Variants in HSPG2 observed in about 807,000 individuals in gnomAD.
HSPG2 encodes heparan sulfate proteoglycan 2, also known as basement membrane-specific heparan sulfate proteoglycan core protein.
Under a neutral mutation model 526.6 loss-of-function variants are expected in HSPG2, and 278 were observed. That is an observed-to-expected ratio of 0.53 (90% CI 0.48 to 0.58). The LOEUF (loss-of-function observed/expected upper bound fraction) is 0.58. Ranked by LOEUF, HSPG2 falls within the 20% of genes least tolerant of loss-of-function variation. The pLI, the probability that HSPG2 is intolerant of heterozygous loss-of-function variation, is 0.00. For synonymous variants in HSPG2, 2,465 were observed against 2,555.4 expected, an observed-to-expected ratio of 0.96 and a Z score of 1.07; for missense variants, 5,354 against 6,099.5, an observed-to-expected ratio of 0.88 and a Z score of 4.07.
chr1:21,923,481 T>C (rs186600680), intron 1 of HSPG2, among the ~76,000 whole-genome samples: 48 of 152,286 alleles, frequency 3.2e-4, no homozygotes, highest in African/African-American at 1.1e-3. Flanking sequence ...TGAGCTCATC[T>C]GAGACTCACG....
At chr1:21,841,926 C>T in intron 69 of HSPG2, 76 bp downstream of exon 69, 1 of 1,586,546 alleles carries the variant, frequency 6.3e-7, no homozygotes, top group Non-Finnish European at 8.6e-7. Context: ...ACTTCTGCCC[C>T]ACCCTTGCAC....
chr1:21,875,173 C>G (rs1640952642), intron 25 of HSPG2, 171 bp from the exon 26 acceptor site: 2 of 656,520 alleles, frequency 3.0e-6, no homozygotes, highest in Admixed American at 4.3e-5. Flanking sequence ...CAGCTGTTAC[C>G]TGCAACTTAC....
rs2290495 is a variant in HSPG2, at chr1:21,873,633, A to G, written c.3744-209T>C. Among the ~76,000 whole-genome samples, 83 of 152,284 alleles carry G rather than the reference A, an allele frequency of 5.5e-4. No homozygotes were observed. In the East Asian group the frequency reaches 9.7e-3, roughly 18 times the overall value. On this transcript the variant is annotated intron_variant, in intron 29 of 96. Transcript: ENST00000374695. ...AGTGAATTGGGGCAGGTAGGAACCC[A>G]GGAGTTTCAGAAAGAAGCAGGGGTT... is the stretch of plus-strand genomic sequence containing the variant.
rs10917060 is a variant in HSPG2 at position 21,889,240 on chromosome 1, G to A, written c.574+741C>T. 0.24 allele frequency among the ~76,000 whole-genome samples: 36,420 copies of A among 152,070 alleles called. 5,223 individuals carry two copies. The highest frequency in any genetic ancestry group is 0.38 in the East Asian group (1,962 of 5,152). On this transcript the variant is annotated intron_variant, in intron 6 of 96. Coordinates refer to ENST00000374695, the MANE Select transcript of HSPG2 (RefSeq NM_005529.7). ...AGGGAACTGAGATGGAGACAGGGCC[G>A]AGAACCACACCTGTGAAGGATGAAC...
rs1431873444 is a variant in HSPG2, at chr1:21,859,505, C to A, written c.5293+61G>T. 6.1e-6 allele frequency: 8 copies of A among 1,315,494 alleles called. No individual in the cohort carries two copies. Among genetic ancestry groups the A allele is most frequent in the Non-Finnish European group, 8.6e-6 (8 of 932,212 alleles). The allele number at this position is 1,315,494 out of a possible 1,614,324, so 81.5% of individuals were successfully genotyped here. On this transcript the variant is annotated intron_variant, in intron 42 of 96. Transcript: ENST00000374695. The surrounding 1 kb of genome is among the most constrained non-coding windows in gnomAD (Gnocchi z 5.3). The stretch of plus-strand genomic sequence containing the variant: ...AGGTGAATGCACCATCTGCCTGAAT[C>A]TGCAGCCTGCAGCCCAGCCCAGGAC...
rs1212846416 is a variant in HSPG2 at position 21,863,069 on chromosome 1, A to AAAAAAAAAAAAC, written c.4741-955_4741-954insGTTTTTTTTTTT. Among the ~76,000 whole-genome samples the AAAAAAAAAAAAC allele has an allele frequency of 4.2e-3, 328 of 78,368 alleles. 15 individuals are homozygous for AAAAAAAAAAAAC. Among genetic ancestry groups the AAAAAAAAAAAAC allele is most frequent in the Non-Finnish European group, 6.9e-3 (257 of 37,170 alleles). 51.4% of individuals were successfully genotyped at this position (78,368 alleles called of 152,430 possible). Reference sequence around the variant, plus strand: ...AAGCGAGACTCCATCTCAAAAAAAAAAAAAAAAAAAAAAAAAAAAGAGGCT... The same window carrying AAAAAAAAAAAAC: ...AAGCGAGACTCCATCTCAAAAAAAAAAAAAAAAAAAACAAAAAAAAAAAAAAAAAAAGAGGCT... On this transcript the variant is annotated intron_variant, in intron 37 of 96. Coordinates refer to ENST00000374695, the MANE Select transcript of HSPG2 (RefSeq NM_005529.7).
chr1:21,878,714 C>T (rs1641282585), intron 18 of HSPG2, 51 bp from the exon 19 acceptor site: 1 of 1,514,844 alleles, frequency 6.6e-7, no homozygotes, highest in South Asian at 1.1e-5. Flanking sequence ...GTCAGGCTTT[C>T]TCCTCCCACC....
intron 1 of HSPG2, among the ~76,000 whole-genome samples, chr1:21,924,319 A>T (rs1219566753): frequency 6.6e-6 from 1 of 152,220 alleles, no homozygotes; most frequent in Non-Finnish European, 1.5e-5. Context: ...CTTGTTGGAG[A>T]GGCAGGACTC....
At position 21,875,920 on chromosome 1, in the gene HSPG2, A is replaced by G; in HGVS notation, c.3126T>C (p.His1042=). ...GGCCGGGGCTGGGCTCCTGGGCCAC[A>G]TGGTGCTCTAGGATGATGTTGTTAC... is the stretch of plus-strand genomic sequence containing the variant. ...LQGNNIILEH[H]VAQEPSPGQP... The change falls in exon 24 of 97, where the codon CAT becomes CAC. Residue 1042 remains histidine, a synonymous_variant. Coordinates refer to ENST00000374695, the MANE Select transcript of HSPG2 (RefSeq NM_005529.7). The G allele has an allele frequency of 1.2e-6, 2 of 1,614,150 alleles. No individual in the cohort carries two copies. The highest frequency in any genetic ancestry group is 8.5e-7 in the Non-Finnish European group (1 of 1,180,028).
chr1:21,867,836 T>C (rs934943672), intron 33 of HSPG2, among the ~76,000 whole-genome samples: 2 of 152,120 alleles, frequency 1.3e-5, no homozygotes. Flanking sequence ...GTTCAAGTGA[T>C]TCTCCCCCTT....
At chr1:21,825,379 C>T (rs984082284) in intron 91 of HSPG2, among the ~76,000 whole-genome samples, 1 of 152,192 alleles carries the variant, frequency 6.6e-6, no homozygotes, top group Non-Finnish European at 1.5e-5. Flanking sequence ...AGTCCCACAT[C>T]CCAAGAAACC....
chr1:21,867,979 C>T (rs1196110504), intron 33 of HSPG2, among the ~76,000 whole-genome samples: 1 of 151,732 alleles, frequency 6.6e-6, no homozygotes, highest in African/African-American at 2.4e-5. Flanking sequence ...TTCTGCCTGC[C>T]CCAGTCTCCC....
intron 52 of HSPG2, 101 bp downstream of exon 52, chr1:21,852,599 G>A: frequency 6.6e-7 from 1 of 1,516,128 alleles, no homozygotes; most frequent in Admixed American, 1.7e-5. Context: ...CAGCTCCGGT[G>A]TGGGCCTTCT....
At position 21,876,660 on chromosome 1, in the gene HSPG2, C is replaced by A. The variant is rs1641091303; in HGVS notation, c.2686-8G>T. The A allele has an allele frequency of 6.2e-7, 1 of 1,614,194 alleles. No individual in the cohort carries two copies. The highest frequency in any genetic ancestry group is 8.5e-7 in the Non-Finnish European group (1 of 1,180,028). On this transcript the variant is annotated splice_polypyrimidine_tract_variant and splice_region_variant and intron_variant, in intron 21 of 96. Coordinates refer to ENST00000374695, the MANE Select transcript of HSPG2 (RefSeq NM_005529.7). Reference sequence around the variant, plus strand: ...GCGCCCCACCACATTGTTCTGCAGGCACAGAGTTGGAGCTGAAGGACAGCC... The same window carrying A: ...GCGCCCCACCACATTGTTCTGCAGGAACAGAGTTGGAGCTGAAGGACAGCC...
At chr1:21,889,362 A>G (rs1642181552) in intron 6 of HSPG2, among the ~76,000 whole-genome samples, 1 of 152,204 alleles carries the variant, frequency 6.6e-6, no homozygotes, top group African/African-American at 2.4e-5. Flanking sequence ...CCCAGAGTAC[A>G]AAGGCCAGGA....
chr1:21,884,448 C>T (rs1017995605), intron 13 of HSPG2, 80 bp downstream of exon 13: 28 of 1,572,792 alleles, frequency 1.8e-5, no homozygotes, highest in Admixed American at 6.7e-5. Context: ...CCCCTCTGTC[C>T]GCATCTATCC....
chr1:21,839,034 T>C lies in HSPG2; in HGVS notation c.9941A>G (p.Glu3314Gly), dbSNP rs1323510308. 1.9e-6 allele frequency: 3 copies of C among 1,600,094 alleles called. No homozygotes were observed. The highest frequency in any genetic ancestry group is 2.7e-5 in the African/African-American group (2 of 74,742). ...AGCCAGGCACTGGAGCTGCACCGTC[T>C]CCCCTGCCTGCACCGAAGCGTGCTC... is the stretch of plus-strand genomic sequence containing the variant. ...VPEHASVQAG[E>G]TVQLQCLAHG... The change falls in exon 74 of 97, where the codon GAG becomes GGG. Residue 3314 changes from glutamate (E) to glycine (G), a missense_variant. By Grantham distance (98) the Glu-to-Gly change is moderately conservative (BLOSUM62 -2). Transcript: ENST00000374695. The surrounding 1 kb of genome is among the most constrained non-coding windows in gnomAD (Gnocchi z 4.5).
Position 21,854,640 on chromosome 1 carries a change from G to A in HSPG2, c.6259C>T (p.Arg2087Ter), listed in dbSNP as rs1196835948. 12 of 1,584,540 alleles carry A rather than the reference G, an allele frequency of 7.6e-6. No homozygotes were observed. The highest frequency in any genetic ancestry group is 1.8e-5 in the Admixed American group (1 of 55,866). The change falls in exon 49 of 97, where the codon CGA becomes TGA. Residue 2087 changes from arginine to a stop codon, truncating the protein, a stop_gained. Transcript: ENST00000374695. LOFTEE classifies it high-confidence loss of function. The stretch of plus-strand genomic sequence containing the variant: ...GTGTGGGGAGGCAGGCTACCCCCTC[G>A]CCTGTACCAGGTGACCTGGGCATGG... ...SAHAQVTWYR[R>*]GGSLPPHTQV...
At chr1:21,922,613 T>C (rs1223977732) in intron 1 of HSPG2, among the ~76,000 whole-genome samples, 2 of 151,978 alleles carry the variant, frequency 1.3e-5, no homozygotes. Flanking sequence ...GGGCACAAGG[T>C]GGGTCTTCTG....
Sources: allele counts gnomAD v4.1 joint callset (sites outside exome capture counted in the v4.1 genomes callset), GRCh38; gene constraint gnomAD v4.1.1; non-coding constraint Gnocchi (gnomAD v3.1); transcripts MANE v1.5; gene names NCBI Gene and HGNC (gene_info 2026-07-23, HGNC 2026-07-21).